Variants in CLVS1 observed in about 807,000 individuals in gnomAD.
CLVS1 encodes the protein clavesin 1, also known as clavesin-1.
Under a neutral mutation model 33.1 loss-of-function variants are expected in CLVS1, and 10 were observed. The observed-to-expected ratio is 0.30, with a 90% CI of 0.19 to 0.51. The LOEUF (loss-of-function observed/expected upper bound fraction) is 0.51. Among genes scored for constraint, CLVS1 ranks in the 20% least tolerant of loss-of-function variants. The pLI, the probability that CLVS1 is intolerant of heterozygous loss-of-function variation, is 0.97. For synonymous variants in CLVS1, 163 were observed against 166.1 expected (o/e 0.98, Z 0.14); for missense variants, 343 against 433.4 (o/e 0.79, Z 1.85).
intron 1 of CLVS1, among the ~76,000 whole-genome samples, chr8:61,089,623 T>C (rs898404519): frequency 6.6e-6 from 1 of 152,146 alleles, no homozygotes; most frequent in Non-Finnish European, 1.5e-5. Context: ...AAAGAAGTTA[T>C]GAAGAATCTA....
At chr8:61,474,934 T>C (rs549675690) in intron 5 of CLVS1, among the ~76,000 whole-genome samples, 166 of 152,344 alleles carry the variant, frequency 1.1e-3, no homozygotes, top group African/African-American at 3.4e-3. Flanking sequence ...CTCCTAATGC[T>C]ATCCCTCCCC....
chr8:61,376,744 C>T lies in CLVS1; in HGVS notation c.595C>T (p.Pro199Ser). 3.1e-6 allele frequency: 5 copies of T among 1,614,108 alleles called. No homozygotes were observed. Among genetic ancestry groups the T allele is most frequent in the Non-Finnish European group, 3.4e-6 (4 of 1,179,972 alleles). ...FSFKQASKLTPSILKLAIEGL... is the reference protein window; with the variant it reads ...FSFKQASKLTSSILKLAIEGL... Reference sequence around the variant, plus strand: ...CTTCAAACAAGCCTCCAAACTGACACCTTCAATCCTTAAACTGGCCATTGA... The same window carrying T: ...CTTCAAACAAGCCTCCAAACTGACATCTTCAATCCTTAAACTGGCCATTGA... The change falls in exon 3 of 6, where the codon CCT becomes TCT. Residue 199 changes from proline to serine, a missense_variant. This residue lies in a region of CLVS1 where 166 missense variants were observed against 244.0 expected (regional missense o/e 0.68). Transcript: ENST00000325897.
intron 5 of CLVS1, among the ~76,000 whole-genome samples, chr8:61,473,814 A>G (rs985205971): frequency 2.0e-5 from 3 of 152,212 alleles, no homozygotes; most frequent in Non-Finnish European, 2.9e-5. Flanking sequence ...TGCTGAATGG[A>G]AAGCAGACCC....
chr8:61,182,448 T>C (rs1460193860), intron 2 of CLVS1, among the ~76,000 whole-genome samples: 1 of 152,160 alleles, frequency 6.6e-6, no homozygotes, highest in East Asian at 1.9e-4. Flanking sequence ...AAAGGTCTAA[T>C]ATCCAGAATC....
At chr8:61,136,660 G>A (rs1265117339) in intron 2 of CLVS1, among the ~76,000 whole-genome samples, 2 of 152,148 alleles carry the variant, frequency 1.3e-5, no homozygotes, top group African/African-American at 4.8e-5. Flanking sequence ...ACATAGAAGG[G>A]AACAACACAC....
intron 5 of CLVS1, among the ~76,000 whole-genome samples, chr8:61,482,459 A>G (rs1270890812): frequency 6.6e-6 from 1 of 152,240 alleles, no homozygotes; most frequent in Non-Finnish European, 1.5e-5. Context: ...AAACCTTGAA[A>G]AAAGATTAGA....
intron 2 of CLVS1, among the ~76,000 whole-genome samples, chr8:61,231,286 G>GCACACACACACACACACACACACA (rs4033613): frequency 3.3e-5 from 5 of 149,976 alleles, no homozygotes; most frequent in African/African-American, 9.9e-5. Context: ...ACCTGTGCTT[G>GCACACACACACACACACACACACA]CACACACACA....
intron 5 of CLVS1, among the ~76,000 whole-genome samples, chr8:61,466,273 G>T (rs1332205129): frequency 6.6e-6 from 1 of 152,218 alleles, no homozygotes. Flanking sequence ...GGTGACTGCA[G>T]GAGTGTTATT....
chr8:61,421,250 C>A (rs1216039381), intron 3 of CLVS1, among the ~76,000 whole-genome samples: 2 of 152,146 alleles, frequency 1.3e-5, no homozygotes, highest in East Asian at 3.8e-4. Flanking sequence ...TGTAAATGCA[C>A]AGCTGTACCA....
chr8:61,406,628 G>T (rs1814998997), intron 3 of CLVS1, among the ~76,000 whole-genome samples: 1 of 151,522 alleles, frequency 6.6e-6, no homozygotes, highest in Non-Finnish European at 1.5e-5. Context: ...TGGGGGGGGG[G>T]ATGGAGTCTT....
intron 3 of CLVS1, among the ~76,000 whole-genome samples, chr8:61,437,140 G>T (rs1816359445): frequency 6.6e-6 from 1 of 152,168 alleles, no homozygotes; most frequent in South Asian, 2.1e-4. Context: ...TTTGCTATAA[G>T]GTCATGCAGT....
intron 5 of CLVS1, among the ~76,000 whole-genome samples, chr8:61,483,797 T>C (rs911198242): frequency 6.6e-6 from 1 of 152,088 alleles, no homozygotes; most frequent in Non-Finnish European, 1.5e-5. Flanking sequence ...GTTCAACATA[T>C]GCAAATCAAT....
chr8:61,099,652 G>A (rs1336364027), intron 1 of CLVS1, among the ~76,000 whole-genome samples: 1 of 151,998 alleles, frequency 6.6e-6, no homozygotes, highest in African/African-American at 2.4e-5. Context: ...GGGAGGGAGG[G>A]TCCAAAGAAT....
the CLVS1 span, among the ~76,000 whole-genome samples, chr8:60,989,146 C>G: frequency 6.6e-6 from 1 of 152,080 alleles, no homozygotes; most frequent in Admixed American, 6.5e-5. Context: ...GGATTACAGG[C>G]GTGAGCCACT....
intron 3 of CLVS1, among the ~76,000 whole-genome samples, chr8:61,424,883 A>C (rs1815821381): frequency 6.6e-6 from 1 of 152,234 alleles, no homozygotes; most frequent in African/African-American, 2.4e-5. Flanking sequence ...AATGCAAATA[A>C]AATTATCTCT....
intron 3 of CLVS1, among the ~76,000 whole-genome samples, chr8:61,379,367 TCCC>T (rs1342116119): frequency 7.2e-6 from 1 of 138,558 alleles, no homozygotes; most frequent in African/African-American, 2.7e-5. Flanking sequence ...TATGAAACCC[TCCC>T]CCCCTTTCCC....
chr8:61,201,931 C>G (rs894491163), intron 2 of CLVS1, among the ~76,000 whole-genome samples: 1 of 152,178 alleles, frequency 6.6e-6, no homozygotes, highest in African/African-American at 2.4e-5. Context: ...TCATTTATAA[C>G]CTGACAGATC....
intron 2 of CLVS1, among the ~76,000 whole-genome samples, chr8:61,135,465 T>G (rs1806176281): frequency 6.6e-6 from 1 of 151,890 alleles, no homozygotes; most frequent in South Asian, 2.1e-4. Flanking sequence ...TAATGTAGGG[T>G]TTTTCCAGGC....
intron 2 of CLVS1, among the ~76,000 whole-genome samples, chr8:61,169,248 T>C (rs1285444937): frequency 6.6e-6 from 1 of 152,146 alleles, no homozygotes; most frequent in Non-Finnish European, 1.5e-5. Context: ...ATACTTTCAA[T>C]TAAAGGAAAT....
Sources: allele counts gnomAD v4.1 joint callset (sites outside exome capture counted in the v4.1 genomes callset), GRCh38; gene constraint gnomAD v4.1.1; regional missense constraint gnomAD v4.1.1; transcripts MANE v1.5; gene names NCBI Gene and HGNC (gene_info 2026-07-23, HGNC 2026-07-21).